MUC5AC: variants seen among roughly 807,000 people sequenced by gnomAD.
The protein encoded by MUC5AC is mucin 5AC, oligomeric mucus/gel-forming, also known as mucin-5AC.
In MUC5AC, 158 loss-of-function variants were observed where a neutral mutation model predicts 169.7. The observed-to-expected ratio is 0.93, with a 90% CI of 0.82 to 1.06. The LOEUF (loss-of-function observed/expected upper bound fraction) is 1.06, where lower values mean the gene tolerates loss of function less well. MUC5AC is among the 50% of genes least tolerant of loss of function. MUC5AC has a pLI of 0.00. For synonymous variants in MUC5AC, 1,975 were observed against 1,237.0 expected (o/e 1.60, Z -12.52); for missense variants, 4,359 against 3,089.9 (o/e 1.41, Z -9.74).
intron 15 of MUC5AC, 85 bp downstream of exon 15, chr11:1,169,111 G>A (rs1468898921): frequency 7.6e-6 from 11 of 1,439,576 alleles, no homozygotes; most frequent in African/African-American, 1.4e-5. Flanking sequence ...CAGCGAGGCC[G>A]GCCCTGCGTG....
intron 6 of MUC5AC, 83 bp from the exon 7 acceptor site, chr11:1,163,799 G>C: frequency 8.9e-7 from 1 of 1,128,216 alleles, no homozygotes; most frequent in Non-Finnish European, 1.3e-6. Context: ...CCAGGGACCC[G>C]GCCCTGGGGG....
chr11:1,164,055 C>T (rs947942968), intron 7 of MUC5AC, 51 bp from the exon 8 acceptor site: 27 of 1,608,954 alleles, frequency 1.7e-5, no homozygotes, highest in African/African-American at 8.0e-5. Context: ...GCCTGGGAAC[C>T]GGTCCAGATC....
intron 5 of MUC5AC, 65 bp downstream of exon 5, chr11:1,162,711 G>A: frequency 6.8e-7 from 1 of 1,471,408 alleles, no homozygotes; most frequent in East Asian, 2.3e-5. Flanking sequence ...TGCTCCCACA[G>A]CCTCTCCGGA....
chr11:1,174,781 A>T (rs1199359450), intron 17 of MUC5AC, 101 bp from the exon 18 acceptor site: 6 of 451,624 alleles, frequency 1.3e-5, no homozygotes, highest in Non-Finnish European at 2.4e-5. Context: ...CCGGCCGAGG[A>T]GGGGAGGGGA....
chr11:1,160,367 G>A (rs759010923), intron 1 of MUC5AC, among the ~76,000 whole-genome samples: 6 of 152,026 alleles, frequency 3.9e-5, no homozygotes, highest in Non-Finnish European at 7.4e-5. Context: ...GGGTCCTGAC[G>A]CCACCTGCTC....
In MUC5AC at chr11:1,186,356, A is replaced by T. The variant is rs1860946202; in HGVS notation, c.8211A>T (p.Thr2737=). ...APTTSTTSAT[T]TSTTSAPTPR... ...CAACCAGCACAACCTCTGCCACTAC[A>T]ACCAGCACGACCTCTGCTCCTACAC... Residue 2737 remains threonine (T), a synonymous_variant, in exon 31 of 49, where the codon ACA becomes ACT. Coordinates refer to ENST00000621226, the MANE Select transcript of MUC5AC (RefSeq NM_001304359.2). The T allele has an allele frequency of 1.4e-6, 1 of 716,170 alleles. No homozygotes were observed. The highest frequency in any genetic ancestry group is 1.7e-5 in the African/African-American group (1 of 57,230). 44.4% of individuals were successfully genotyped at this position (716,170 alleles called of 1,614,324 possible).
intron 1 of MUC5AC, among the ~76,000 whole-genome samples, chr11:1,159,818 G>T: frequency 1.6e-5 from 1 of 61,338 alleles, no homozygotes; most frequent in African/African-American, 5.0e-5. Context: ...GGGCTGTGCA[G>T]GGCTGGCGTC....
intron 15 of MUC5AC, among the ~76,000 whole-genome samples, chr11:1,169,843 C>CACTCACCG (rs1183486287): frequency 0.021 from 2,807 of 135,908 alleles, 72 homozygotes; most frequent in Non-Finnish European, 0.031. Context: ...CTCACTCACC[C>CACTCACCG]ACTCACCGAC....
chr11:1,197,469 T>C lies in MUC5AC; in HGVS notation c.15863T>C (p.Val5288Ala), dbSNP rs370296745. The change falls in exon 41 of 49, where the codon GTG (valine) becomes GCG (alanine). Residue 5288 changes from valine to alanine, a missense_variant and splice_region_variant. Transcript: ENST00000621226. ...CLGPHGEPVK[V>A]GHTVGMDCQE... ...GGACCTCAGTCCCCTTCCTTGCAGG[T>C]GGGCCACACCGTCGGCATGGACTGC... The C allele has an allele frequency of 5.6e-6, 4 of 710,414 alleles. No homozygotes were observed. In the African/African-American group the frequency reaches 6.9e-5, roughly 12 times the overall value. The allele number at this position is 710,414 out of a possible 1,614,324, so 44.0% of individuals were successfully genotyped here.
rs1860752834 is a variant in MUC5AC at position 1,179,144 on chromosome 11, A to T, written c.3380A>T (p.Asp1127Val). The T allele has an allele frequency of 1.1e-4, 76 of 663,840 alleles. No homozygotes were observed. The South Asian group carries it at 1.2e-3, about 11-fold the overall frequency. The allele number at this position is 663,840 out of a possible 1,614,324, so 41.1% of individuals were successfully genotyped here. The change falls in exon 26 of 49, where the codon GAC (aspartate) becomes GTC (valine). Residue 1127 changes from aspartate to valine, a missense_variant. Asp to Val is a radical substitution (Grantham distance 152). Coordinates refer to ENST00000621226, the MANE Select transcript of MUC5AC (RefSeq NM_001304359.2). ...EACVNDACAC[D>V]SGGDCECFCT... Reference sequence around the variant, plus strand: ...TGCGTGAACGACGCGTGCGCCTGCGACTCCGGGGGTGACTGCGAGTGCTTC... The same window carrying T: ...TGCGTGAACGACGCGTGCGCCTGCGTCTCCGGGGGTGACTGCGAGTGCTTC...
At chr11:1,196,758 A>C in intron 39 of MUC5AC, 38 bp downstream of exon 39, 1 of 733,366 alleles carries the variant, frequency 1.4e-6, no homozygotes, top group South Asian at 1.4e-5. Flanking sequence ...GTGTGGCAGG[A>C]CTGGGCCTGT....
chr11:1,170,427 A>G (rs1192597411), intron 15 of MUC5AC, among the ~76,000 whole-genome samples: 2 of 98,484 alleles, frequency 2.0e-5, no homozygotes, highest in Non-Finnish European at 4.7e-5. Flanking sequence ...CCACTCACCC[A>G]TTCACCCATT....
chr11:1,168,426 G>A lies in MUC5AC; in HGVS notation c.1498-57G>A, dbSNP rs756846209. ...TGCAGGCACATTTCACAGCCTCCGCGGGGCTGAGGTGCCGCAAGCCTGCCC... is the reference window on the plus strand; with the variant it reads ...TGCAGGCACATTTCACAGCCTCCGCAGGGCTGAGGTGCCGCAAGCCTGCCC... On this transcript the variant is annotated intron_variant, in intron 12 of 48. Coordinates refer to ENST00000621226, the MANE Select transcript of MUC5AC (RefSeq NM_001304359.2). 3.2e-6 allele frequency: 5 copies of A among 1,541,780 alleles called. No homozygotes were observed. The African/African-American group carries it at 4.1e-5, about 13-fold the overall frequency.
At chr11:1,158,305 A>T (rs976250806) in intron 1 of MUC5AC, among the ~76,000 whole-genome samples, 2 of 152,188 alleles carry the variant, frequency 1.3e-5, no homozygotes, top group Admixed American at 6.5e-5. Flanking sequence ...TCCCTGAGGC[A>T]GGGAAGTAGG....
At chr11:1,172,609 G>A (rs1860574381) in intron 16 of MUC5AC, 86 bp downstream of exon 16, 2 of 398,336 alleles carry the variant, frequency 5.0e-6, no homozygotes. Flanking sequence ...GGCACTGGTG[G>A]GCTCAGCAGG....
chr11:1,163,057 C>T lies in MUC5AC; in HGVS notation c.679+12C>T, dbSNP rs1169434896. On this transcript the variant is annotated intron_variant, in intron 6 of 48. Coordinates refer to ENST00000621226, the MANE Select transcript of MUC5AC (RefSeq NM_001304359.2). ...GCTCCTCTCCCACAGTAAGGCCCCACATCGCCCTCAGCCCCTTCCTCAGTG... is the reference window on the plus strand; with the variant it reads ...GCTCCTCTCCCACAGTAAGGCCCCATATCGCCCTCAGCCCCTTCCTCAGTG... The T allele has an allele frequency of 1.9e-6, 3 of 1,610,470 alleles. No homozygotes were observed. Among genetic ancestry groups the T allele is most frequent in the Non-Finnish European group, 2.5e-6 (3 of 1,177,752 alleles).
chr11:1,192,269 G>C lies in MUC5AC; in HGVS notation c.14124G>C (p.Gln4708His). 1 of 765,128 alleles carries C rather than the reference G, an allele frequency of 1.3e-6. No individual in the cohort carries two copies. Among genetic ancestry groups the C allele is most frequent in the Non-Finnish European group, 2.4e-6 (1 of 417,906 alleles). 47.4% of individuals were successfully genotyped at this position (765,128 alleles called of 1,614,324 possible). Residue 4708 changes from glutamine (Q) to histidine (H), a missense_variant, in exon 31 of 49, where the codon CAG becomes CAC. Gln to His is a conservative substitution (Grantham distance 24, BLOSUM62 0). Transcript: ENST00000621226. ...GCCTGGTGTGCCGGAACCAGGACCA[G>C]CAGGGACCCTTCAAGATGTGCCTCA... ...EEGLVCRNQD[Q>H]QGPFKMCLNY... is the part of the protein sequence containing the mutation.
chr11:1,167,642 G>C (rs1362422822), intron 11 of MUC5AC, among the ~76,000 whole-genome samples: 1 of 152,232 alleles, frequency 6.6e-6, no homozygotes, highest in Non-Finnish European at 1.5e-5. Flanking sequence ...GTCTTTCCCA[G>C]AGGGTCCTAT....
At chr11:1,179,372 C>G (rs1860759130) in intron 26 of MUC5AC, 124 bp downstream of exon 26, 10 of 465,968 alleles carry the variant, frequency 2.1e-5, no homozygotes, top group Non-Finnish European at 3.8e-5. Flanking sequence ...AACAGAAACA[C>G]CTGGGCCCAG....
Sources: allele counts gnomAD v4.1 joint callset (sites outside exome capture counted in the v4.1 genomes callset), GRCh38; gene constraint gnomAD v4.1.1; transcripts MANE v1.5; gene names NCBI Gene and HGNC (gene_info 2026-07-23, HGNC 2026-07-21).